TNKS: variants seen among roughly 807,000 people sequenced by gnomAD.
The protein encoded by TNKS is poly [ADP-ribose] polymerase tankyrase-1.
In TNKS, 72 loss-of-function variants were observed where a neutral mutation model predicts 135.8. The observed-to-expected ratio is 0.53, with a 90% CI of 0.44 to 0.64. The LOEUF is 0.64. TNKS is among the 30% of genes least tolerant of loss of function. TNKS has a pLI of 0.00. For missense variants in TNKS, 1,769 were observed against 1,674.0 expected, an observed-to-expected ratio of 1.06 and a Z score of -0.99; for synonymous variants, 849 against 649.3, an observed-to-expected ratio of 1.31 and a Z score of -4.68.
In TNKS at chr8:9,580,361, A is replaced by G; in HGVS notation, c.876A>G (p.Lys292=). 1 of 1,614,188 alleles carries G rather than the reference A, an allele frequency of 6.2e-7. No individual in the cohort carries two copies. Among genetic ancestry groups the G allele is most frequent in the Non-Finnish European group, 8.5e-7 (1 of 1,180,030 alleles). Residue 292 remains lysine (K), a synonymous_variant, in exon 2 of 27, where the codon AAA becomes AAG. Transcript: ENST00000310430. The stretch of plus-strand genomic sequence containing the variant: ...CACCTCTGCATGAAGCTGCTATTAA[A>G]GGGAAGATCGATGTGTGCATTGGTA... ...NYTPLHEAAI[K]GKIDVCIVLL... is the part of the protein sequence containing the mutation.
At chr8:9,670,750 A>G (rs1029464113) in intron 3 of TNKS, 1 of 152,206 alleles carries the variant, frequency 6.6e-6, no homozygotes, top group African/African-American at 2.4e-5. Flanking sequence ...TTAACTTGTG[A>G]TAAACATCAG....
chr8:9,695,145 G>A (rs1008057334), intron 5 of TNKS, among the ~76,000 whole-genome samples: 1 of 152,150 alleles, frequency 6.6e-6, no homozygotes, highest in African/African-American at 2.4e-5. Flanking sequence ...TTATTGCTCA[G>A]TGGGGAAATC....
At chr8:9,660,044 T>C (rs1166273994) in intron 3 of TNKS, among the ~76,000 whole-genome samples, 1 of 152,162 alleles carries the variant, frequency 6.6e-6, no homozygotes, top group Non-Finnish European at 1.5e-5. Context: ...CAGGAAGAAG[T>C]TGAATCTCTG....
chr8:9,731,013 G>A lies in TNKS; in HGVS notation c.2125G>A (p.Asp709Asn), dbSNP rs775055887. ...VVEYLLHHGA[D>N]VHAKDKGGLV... ...AGAGTACCTGCTACACCACGGTGCC[G>A]ATGTCCATGCCAAAGACAAGGGGTA... The change falls in exon 14 of 27, where the codon GAT becomes AAT. Residue 709 changes from aspartate to asparagine, a missense_variant. This residue lies in a region of TNKS where 69 missense variants were observed against 120.3 expected (regional missense o/e 0.57). Transcript: ENST00000310430. The A allele has an allele frequency of 1.6e-5, 25 of 1,611,138 alleles. No individual in the cohort carries two copies. The highest frequency in any genetic ancestry group is 6.7e-5 in the Admixed American group (4 of 59,596).
chr8:9,665,580 A>G (rs1473085166), intron 3 of TNKS, among the ~76,000 whole-genome samples: 2 of 152,180 alleles, frequency 1.3e-5, no homozygotes, highest in Non-Finnish European at 2.9e-5. Context: ...ATTCCATAAA[A>G]GGGATTAGTA....
intron 17 of TNKS, among the ~76,000 whole-genome samples, chr8:9,744,561 G>A (rs554882008): frequency 1.3e-5 from 2 of 152,222 alleles, no homozygotes; most frequent in East Asian, 3.9e-4. Context: ...TATTGCAGCT[G>A]GATTCTGAAA....
intron 1 of TNKS, among the ~76,000 whole-genome samples, chr8:9,577,669 C>G (rs983671146): frequency 1.3e-5 from 2 of 152,204 alleles, no homozygotes; most frequent in African/African-American, 4.8e-5. Flanking sequence ...GGCCCCTCTT[C>G]TAACACTGGG....
At chr8:9,728,552 T>A (rs35617208) in intron 13 of TNKS, among the ~76,000 whole-genome samples, 17,044 of 152,244 alleles carry the variant, frequency 0.11, 1,337 homozygotes, top group Admixed American at 0.24. Flanking sequence ...ATTTAGAATG[T>A]AAGAACCAGT....
chr8:9,560,947 A>G (rs1797304329), intron 1 of TNKS, among the ~76,000 whole-genome samples: 1 of 152,180 alleles, frequency 6.6e-6, no homozygotes, highest in East Asian at 1.9e-4. Flanking sequence ...CTTTGGAAGC[A>G]AATGATTTAA....
At chr8:9,707,154 G>A in intron 8 of TNKS, 157 bp downstream of exon 8, 1 of 678,180 alleles carries the variant, frequency 1.5e-6, no homozygotes, top group Non-Finnish European at 2.3e-6. Context: ...AATTCCATGG[G>A]AATGTTATAT....
At chr8:9,731,198 G>A (rs749232897) in intron 14 of TNKS, among the ~76,000 whole-genome samples, 163 bp downstream of exon 14, 6 of 152,134 alleles carry the variant, frequency 3.9e-5, no homozygotes, top group Non-Finnish European at 7.4e-5. Context: ...GGTGGCTCAC[G>A]CCTGTAATCC....
rs117910799 is a variant in TNKS at position 9,635,937 on chromosome 8, G to A, written c.994+20260G>A. Among the ~76,000 whole-genome samples the A allele has an allele frequency of 3.9e-4, 59 of 152,222 alleles. No individual in the cohort carries two copies. The East Asian group carries it at 0.01, about 26-fold the overall frequency. ...GAAAAATGCTATAAAGGCTATAATA[G>A]GAATGACTGACAAAATTGGAGCACA... On this transcript the variant is annotated intron_variant, in intron 3 of 26. Coordinates refer to ENST00000310430, the MANE Select transcript of TNKS (RefSeq NM_003747.3).
At chr8:9,599,757 A>ATAATCTG (rs747151566) in intron 2 of TNKS, among the ~76,000 whole-genome samples, 1 of 152,118 alleles carries the variant, frequency 6.6e-6, no homozygotes, top group African/African-American at 2.4e-5. Context: ...AGAATAATCT[A>ATAATCTG]TACCTAAGTT....
At chr8:9,753,096 C>T (rs1272138241) in intron 20 of TNKS, among the ~76,000 whole-genome samples, 1 of 152,080 alleles carries the variant, frequency 6.6e-6, no homozygotes, top group East Asian at 1.9e-4. Flanking sequence ...TATACTTCTC[C>T]CCAAAATTGT....
At chr8:9,557,576 A>G (rs1815378663) in intron 1 of TNKS, 1 of 152,198 alleles carries the variant, frequency 6.6e-6, no homozygotes, top group Admixed American at 6.5e-5. Context: ...GAAACATTAT[A>G]TTGGAAATAC....
At chr8:9,751,250 T>A (rs1378590796) in intron 18 of TNKS, among the ~76,000 whole-genome samples, 1 of 152,242 alleles carries the variant, frequency 6.6e-6, no homozygotes, top group Non-Finnish European at 1.5e-5. Context: ...CAGATGTTAA[T>A]TGTACATGAA....
chr8:9,741,696 CGAT>C, intron 17 of TNKS: 2 of 527,466 alleles, frequency 3.8e-6, no homozygotes, highest in Non-Finnish European at 7.9e-6. Flanking sequence ...GTGTGTCACT[CGAT>C]GACCACTGTG....
At chr8:9,683,183 G>A (rs13273033) in intron 5 of TNKS, among the ~76,000 whole-genome samples, 112,853 of 151,860 alleles carry the variant, frequency 0.74, 42,063 homozygotes, top group Middle Eastern at 0.82. Context: ...TAAAGCCACA[G>A]GGTGTTAAAT....
chr8:9,652,853 C>G (rs1174743335), intron 3 of TNKS, among the ~76,000 whole-genome samples: 2 of 152,100 alleles, frequency 1.3e-5, no homozygotes, highest in African/African-American at 2.4e-5. Flanking sequence ...ATTATCTTCT[C>G]TTTTTAAAAA....
Sources: allele counts gnomAD v4.1 joint callset (sites outside exome capture counted in the v4.1 genomes callset), GRCh38; gene constraint gnomAD v4.1.1; regional missense constraint gnomAD v4.1.1; transcripts MANE v1.5; gene names NCBI Gene and HGNC (gene_info 2026-07-23, HGNC 2026-07-21).